Variants in CDK15 observed in about 807,000 individuals in gnomAD.
CDK15 encodes the protein cyclin-dependent kinase 15.
A neutral mutation model predicts 60.3 loss-of-function variants in CDK15; 62 were observed. That is an observed-to-expected ratio of 1.03 (90% CI 0.84 to 1.27). CDK15 has a LOEUF of 1.27. Ranked by LOEUF, CDK15 falls within the 50% of genes most tolerant of loss-of-function variation. CDK15 has a pLI of 0.00. For missense variants in CDK15, 541 were observed against 527.8 expected (o/e 1.03, Z -0.25); for synonymous variants, 194 against 195.7 (o/e 0.99, Z 0.07).
intron 12 of CDK15, among the ~76,000 whole-genome samples, chr2:201,886,270 A>ATTTTC (rs1054212870): frequency 4.0e-5 from 6 of 150,568 alleles, no homozygotes; most frequent in African/African-American, 7.3e-5. Flanking sequence ...ACTTTAGTTT[A>ATTTTC]TTTTCTTTTC....
intron 7 of CDK15, among the ~76,000 whole-genome samples, chr2:201,834,577 C>T (rs1696924867): frequency 6.6e-6 from 1 of 152,162 alleles, no homozygotes; most frequent in African/African-American, 2.4e-5. Context: ...TGTGTGAGCA[C>T]ACCCCCACAC....
chr2:201,876,460 G>T lies in CDK15; in HGVS notation c.1059-3568G>T. 11 of 573,772 alleles carry T rather than the reference G, an allele frequency of 1.9e-5. 1 individual carries two copies. Among genetic ancestry groups the T allele is most frequent in the South Asian group, 1.5e-4 (10 of 66,098 alleles). 35.5% of individuals were successfully genotyped at this position (573,772 alleles called of 1,614,324 possible). A position where few individuals can be genotyped will look rare whatever the true frequency, so the allele number is the denominator to read the frequency against. On this transcript the variant is annotated intron_variant, in intron 11 of 13. Transcript: ENST00000652192. ...CTTGCTACCAGTGCTGCCAGTGAAGGTTTGTGTTCATGTGGGGTGGAGTTG... is the reference window on the plus strand; with the variant it reads ...CTTGCTACCAGTGCTGCCAGTGAAGTTTTGTGTTCATGTGGGGTGGAGTTG...
rs1172279399 is a variant in CDK15, at chr2:201,895,397, A to G, written c.*2130A>G. The G allele has an allele frequency of 6.6e-6, 1 of 152,250 alleles. No homozygotes were observed. The highest frequency in any genetic ancestry group is 1.5e-5 in the Non-Finnish European group (1 of 68,036). 9.4% of individuals were successfully genotyped at this position (152,250 alleles called of 1,614,324 possible). ...TAATGGAGGAACATTATGCTTATGCATATGCATATACCTTATGCATATGAT... is the reference window on the plus strand; with the variant it reads ...TAATGGAGGAACATTATGCTTATGCGTATGCATATACCTTATGCATATGAT... On this transcript the variant is annotated 3_prime_UTR_variant, in exon 14 of 14. Transcript: ENST00000652192.
At chr2:201,893,167 C>T (rs1237944839) in intron 13 of CDK15, 134 bp from the exon 14 acceptor site, 1 of 152,154 alleles carries the variant, frequency 6.6e-6, no homozygotes, top group Non-Finnish European at 1.5e-5. Flanking sequence ...TGCTGCCTCC[C>T]TTATGTTTTA....
intron 8 of CDK15, among the ~76,000 whole-genome samples, chr2:201,836,420 C>T (rs905177172): frequency 6.6e-6 from 1 of 151,368 alleles, no homozygotes; most frequent in Non-Finnish European, 1.5e-5. Context: ...CCACAGAGTT[C>T]CTGCCCAAGG....
chr2:201,856,469 G>A (rs527252877), intron 10 of CDK15, among the ~76,000 whole-genome samples: 1 of 152,138 alleles, frequency 6.6e-6, no homozygotes, highest in Non-Finnish European at 1.5e-5. Context: ...AGTTTAACAC[G>A]TGAGAAAAAT....
intron 9 of CDK15, among the ~76,000 whole-genome samples, chr2:201,848,962 A>T (rs1392277292): frequency 6.6e-6 from 1 of 152,176 alleles, no homozygotes; most frequent in Admixed American, 6.5e-5. Flanking sequence ...TTTTTCTAAA[A>T]ACTTTCTTGC....
At chr2:201,824,393 AT>A (rs1390656690) in intron 6 of CDK15, among the ~76,000 whole-genome samples, 2 of 133,662 alleles carry the variant, frequency 1.5e-5, no homozygotes, top group Non-Finnish European at 1.7e-5. Context: ...TTTAAGAAAT[AT>A]TTATTGAGTA....
At chr2:201,818,966 AAACAAAAC>A (rs999386664) in intron 4 of CDK15, among the ~76,000 whole-genome samples, 3 of 79,754 alleles carry the variant, frequency 3.8e-5, no homozygotes, top group African/African-American at 1.8e-4. Flanking sequence ...TAAGCAAAAA[AAACAAAAC>A]AAAACAAAAC....
chr2:201,857,965 G>T (rs1574910339), intron 10 of CDK15, among the ~76,000 whole-genome samples: 1 of 152,220 alleles, frequency 6.6e-6, no homozygotes, highest in African/African-American at 2.4e-5. Context: ...CAGCATTCTG[G>T]ATGAGCTTCC....
chr2:201,828,816 C>T (rs1367060550), intron 6 of CDK15, among the ~76,000 whole-genome samples: 2 of 152,144 alleles, frequency 1.3e-5, no homozygotes, highest in African/African-American at 2.4e-5. Flanking sequence ...TTTGCATAGG[C>T]TTCATTGTGT....
At chr2:201,835,431 C>A (rs914888498) in intron 7 of CDK15, among the ~76,000 whole-genome samples, 1 of 152,110 alleles carries the variant, frequency 6.6e-6, no homozygotes, top group African/African-American at 2.4e-5. Flanking sequence ...CACCCAGCTG[C>A]CAAGAAGGCC....
At chr2:201,889,732 A>G (rs1457653069) in intron 12 of CDK15, among the ~76,000 whole-genome samples, 1 of 152,092 alleles carries the variant, frequency 6.6e-6, no homozygotes, top group East Asian at 1.9e-4. Flanking sequence ...TCAATTTGCA[A>G]AAGTTGCACC....
At chr2:201,878,844 T>A (rs1021952255) in intron 11 of CDK15, among the ~76,000 whole-genome samples, 1 of 152,372 alleles carries the variant, frequency 6.6e-6, no homozygotes, top group Admixed American at 6.5e-5. Context: ...TCAAGCCTCC[T>A]TTATAACCTA....
chr2:201,814,414 G>C (rs530981826), intron 4 of CDK15, among the ~76,000 whole-genome samples: 10 of 152,278 alleles, frequency 6.6e-5, no homozygotes, highest in African/African-American at 2.2e-4. Flanking sequence ...ACACATTGGA[G>C]GTTGTTAGGA....
chr2:201,809,379 G>A (rs1451934577), intron 3 of CDK15, among the ~76,000 whole-genome samples: 2 of 151,954 alleles, frequency 1.3e-5, no homozygotes, highest in African/African-American at 4.8e-5. Context: ...CATCTACTGG[G>A]AATTTATATT....
rs755603505 is a variant in CDK15, at chr2:201,860,788, C to A, written c.1009+5851C>A. 5 of 1,352,158 alleles carry A rather than the reference C, an allele frequency of 3.7e-6. No individual in the cohort carries two copies. The Middle Eastern group carries it at 8.4e-4, about 227-fold the overall frequency. 83.8% of individuals were successfully genotyped at this position (1,352,158 alleles called of 1,614,324 possible). On this transcript the variant is annotated intron_variant, in intron 10 of 13. Coordinates refer to ENST00000652192, the MANE Select transcript of CDK15 (RefSeq NM_001366386.2). ...ATGGCATACTGACATCGGACAGCAT[C>A]GTACTGCAGCAATGCAGCCTTGTTC...
At position 201,807,887 on chromosome 2, in the gene CDK15, A is replaced by G. The variant is rs77557988; in HGVS notation, c.303A>G (p.Ser101=). 690 of 1,614,084 alleles carry G rather than the reference A, an allele frequency of 4.3e-4. 4 individuals carry two copies. The African/African-American group carries it at 7.9e-3, about 18-fold the overall frequency. ...AGAGCCTCCCTTTTGGGGCAGCCTC[A>G]TCTTACTTGAACTTGGAGAAGCTGG... ...WRKSLPFGAA[S]SYLNLEKLGE... Residue 101 remains serine (S), a synonymous_variant, in exon 3 of 14, where the codon TCA becomes TCG. Transcript: ENST00000652192.
intron 3 of CDK15, among the ~76,000 whole-genome samples, 183 bp from the exon 4 acceptor site, chr2:201,812,300 G>A (rs1475195018): frequency 6.6e-6 from 1 of 151,664 alleles, no homozygotes; most frequent in Non-Finnish European, 1.5e-5. Flanking sequence ...GAGGGAAAAT[G>A]CTTTGGAATA....
Sources: gnomAD v4.1 joint callset for allele counts (sites outside exome capture counted in the v4.1 genomes callset) on GRCh38, gnomAD v4.1.1 for gene constraint, MANE v1.5 for transcripts, NCBI Gene and HGNC (gene_info 2026-07-23, HGNC 2026-07-21) for gene names.